Variants in TEX14 observed in about 807,000 individuals in gnomAD.
The protein encoded by TEX14 is testis expressed 14, intercellular bridge forming factor.
In TEX14, 168 loss-of-function variants were observed where a neutral mutation model predicts 178.6. That is an observed-to-expected ratio of 0.94 (90% confidence interval 0.83 to 1.07). TEX14 has a LOEUF of 1.07. Among genes scored for constraint, TEX14 ranks in the 50% least tolerant of loss-of-function variants. The pLI, the probability that TEX14 is intolerant of heterozygous loss-of-function variation, is 0.00. For synonymous variants in TEX14, 626 were observed against 634.1 expected (o/e 0.99, Z 0.19); for missense variants, 1,730 against 1,753.6 (o/e 0.99, Z 0.24).
chr17:58,668,728 T>G (rs1400561035), intron 1 of TEX14, among the ~76,000 whole-genome samples: 2 of 152,122 alleles, frequency 1.3e-5, no homozygotes, highest in Non-Finnish European at 2.9e-5. Flanking sequence ...AAGGGTGACA[T>G]CTACAGAAAA....
At chr17:58,659,277 A>T (rs1042639189) in intron 1 of TEX14, 66 of 913,360 alleles carry the variant, frequency 7.2e-5, no homozygotes, top group Non-Finnish European at 8.1e-5. Flanking sequence ...ATCAGGACCA[A>T]CAGCGTCTCT....
intron 1 of TEX14, chr17:58,659,450 A>G (rs2047061593): frequency 2.6e-6 from 1 of 381,710 alleles, no homozygotes; most frequent in South Asian, 1.1e-4. Context: ...CTTCTTTGGT[A>G]TTCGCTAGAA....
chr17:58,663,188 C>T (rs1343582915), intron 1 of TEX14, among the ~76,000 whole-genome samples: 1 of 151,618 alleles, frequency 6.6e-6, no homozygotes, highest in Admixed American at 6.6e-5. Context: ...TTTTGGAAGC[C>T]AAGGCAGATG....
At chr17:58,687,797 G>A (rs1182802111) in intron 1 of TEX14, among the ~76,000 whole-genome samples, 1 of 152,086 alleles carries the variant, frequency 6.6e-6, no homozygotes, top group African/African-American at 2.4e-5. Flanking sequence ...GTTAACTATA[G>A]ACATTAACAG....
intron 15 of TEX14, among the ~76,000 whole-genome samples, chr17:58,588,299 T>C (rs987802419): frequency 3.3e-5 from 5 of 152,116 alleles, no homozygotes; most frequent in Admixed American, 6.5e-5. Flanking sequence ...GACAGCACAA[T>C]AACATTTGTA....
chr17:58,629,669 A>C (rs1186409937), intron 3 of TEX14, among the ~76,000 whole-genome samples: 1 of 151,418 alleles, frequency 6.6e-6, no homozygotes, highest in African/African-American at 2.4e-5. Context: ...CCCCGTCTCT[A>C]CTAAAAATAC....
intron 1 of TEX14, among the ~76,000 whole-genome samples, chr17:58,658,387 CTTTT>C (rs34857563): frequency 2.0e-4 from 19 of 95,028 alleles, no homozygotes; most frequent in South Asian, 3.7e-4. Context: ...TGTGCACCGG[CTTTT>C]TTTTTTTTTT....
At chr17:58,666,885 G>T (rs1388243985) in intron 1 of TEX14, among the ~76,000 whole-genome samples, 1 of 152,176 alleles carries the variant, frequency 6.6e-6, no homozygotes, top group Non-Finnish European at 1.5e-5. Context: ...TTTCCAAAAT[G>T]CAGTCTTTAA....
At chr17:58,571,490 G>A (rs147040208) in intron 24 of TEX14, among the ~76,000 whole-genome samples, 688 of 151,840 alleles carry the variant, frequency 4.5e-3, no homozygotes, top group Admixed American at 7.4e-3. Context: ...TGCCCGCCTC[G>A]GTCTCCCAAA....
intron 28 of TEX14, 51 bp downstream of exon 28, chr17:58,564,818 T>C (rs2044362908): frequency 8.4e-7 from 1 of 1,184,234 alleles, no homozygotes; most frequent in Non-Finnish European, 1.2e-6. Flanking sequence ...AAACCTAACA[T>C]AAACTATACA....
intron 1 of TEX14, chr17:58,675,529 A>T (rs957084853): frequency 6.6e-6 from 1 of 152,256 alleles, no homozygotes; most frequent in Admixed American, 6.6e-5. Context: ...ATGTTCACAT[A>T]AAAAAGTCTC....
At chr17:58,637,856 CTTT>C (rs58823773) in intron 2 of TEX14, among the ~76,000 whole-genome samples, 3 of 135,698 alleles carry the variant, frequency 2.2e-5, no homozygotes, top group East Asian at 2.1e-4. Context: ...AACCTACTGC[CTTT>C]TTTTTTTTTT....
intron 14 of TEX14, among the ~76,000 whole-genome samples, 194 bp downstream of exon 14, chr17:58,598,682 T>C (rs1208001710): frequency 6.6e-6 from 1 of 152,138 alleles, no homozygotes; most frequent in African/African-American, 2.4e-5. Flanking sequence ...TCCCTCCACA[T>C]AGGTTAGGGG....
chr17:58,656,236 G>A (rs924685871), intron 1 of TEX14, among the ~76,000 whole-genome samples: 1 of 152,160 alleles, frequency 6.6e-6, no homozygotes, highest in Non-Finnish European at 1.5e-5. Flanking sequence ...ATGAGGTCAG[G>A]AGTTCAAGAC....
intron 1 of TEX14, among the ~76,000 whole-genome samples, chr17:58,675,841 T>C (rs112860302): frequency 6.6e-6 from 1 of 152,212 alleles, no homozygotes; most frequent in African/African-American, 2.4e-5. Flanking sequence ...TTCTGTCGCC[T>C]GGGCCTCCAA....
chr17:58,586,116 A>G (rs376565560), intron 17 of TEX14, 34 bp from the exon 18 acceptor site: 1 of 1,572,246 alleles, frequency 6.4e-7, no homozygotes, highest in Middle Eastern at 1.8e-4. Context: ...TTAAAACATC[A>G]CTGTAAACAC....
chr17:58,565,775 T>C lies in TEX14; in HGVS notation c.3936A>G (p.Thr1312=). 1 of 1,610,458 alleles carries C rather than the reference T, an allele frequency of 6.2e-7. No homozygotes were observed. Among genetic ancestry groups the C allele is most frequent in the South Asian group, 1.1e-5 (1 of 89,784 alleles). The part of the protein sequence containing the change: ...QGSSTVLHEN[T]ASDGGGTAND... ...TTGCAGTGCCTCCTCCATCACTTGC[T>C]GTGTTCTCATGCAACACCGTGGATG... Residue 1312 remains threonine, a synonymous_variant, in exon 27 of 32, where the codon ACA becomes ACG. Coordinates refer to ENST00000349033, the MANE Select transcript of TEX14 (RefSeq NM_031272.5).
chr17:58,586,457 C>T (rs1304156412), intron 17 of TEX14, among the ~76,000 whole-genome samples: 4 of 152,170 alleles, frequency 2.6e-5, no homozygotes, highest in African/African-American at 4.8e-5. Context: ...TCTTTCCAGA[C>T]TACACTGAGC....
rs1350936419 is a variant in TEX14 at position 58,664,250 on chromosome 17, TG to T, written c.-1-12249del. Among the ~76,000 whole-genome samples the T allele has an allele frequency of 3.9e-5, 6 of 152,348 alleles. No individual in the cohort carries two copies. In the East Asian group the frequency reaches 1.2e-3, roughly 29 times the overall value. The stretch of plus-strand genomic sequence containing the variant: ...AGGAAAGTAATACTTTGGCTTTCAA[TG>T]GTATCCATGAATGCCAGGCTGACCA... On this transcript the variant is annotated intron_variant, in intron 1 of 31. Transcript: ENST00000349033.
Sources: gnomAD v4.1 joint callset for allele counts (sites outside exome capture counted in the v4.1 genomes callset) on GRCh38, gnomAD v4.1.1 for gene constraint, MANE v1.5 for transcripts, NCBI Gene and HGNC (gene_info 2026-07-23, HGNC 2026-07-21) for gene names.